The following CYTH3 variants were observed in gnomAD, a reference collection of about 807,000 sequenced individuals.
CYTH3 encodes cytohesin 3.
Under a neutral mutation model 55.1 loss-of-function variants are expected in CYTH3, and 23 were observed. The ratio of observed to expected loss-of-function variants is 0.42; its 90% confidence interval spans 0.30 to 0.59. The LOEUF (loss-of-function observed/expected upper bound fraction) is 0.59. Among genes scored for constraint, CYTH3 ranks in the 20% least tolerant of loss-of-function variants. The pLI, the probability that CYTH3 is intolerant of heterozygous loss-of-function variation, is 0.20. For missense variants in CYTH3, 413 were observed against 524.8 expected (o/e 0.79, Z 2.08); for synonymous variants, 249 against 194.9 (o/e 1.28, Z -2.31).
chr7:6,182,684 A>G (rs1183427519), intron 4 of CYTH3, among the ~76,000 whole-genome samples: 1 of 151,862 alleles, frequency 6.6e-6, no homozygotes, highest in Non-Finnish European at 1.5e-5. Flanking sequence ...TTTTTTTAAA[A>G]AAACTGTTTA....
chr7:6,194,731 C>T (rs1783880289), intron 1 of CYTH3, among the ~76,000 whole-genome samples: 1 of 152,188 alleles, frequency 6.6e-6, no homozygotes, highest in Admixed American at 6.5e-5. Flanking sequence ...AATCCCAGCA[C>T]TTTGGGAGGC....
chr7:6,177,327 C>T (rs1057254941), intron 5 of CYTH3, among the ~76,000 whole-genome samples: 5 of 152,248 alleles, frequency 3.3e-5, no homozygotes, highest in African/African-American at 1.2e-4. Context: ...TTGCCATACT[C>T]AGGGCATGTG....
chr7:6,236,027 T>C (rs1779512991), intron 1 of CYTH3, among the ~76,000 whole-genome samples: 1 of 152,200 alleles, frequency 6.6e-6, no homozygotes, highest in Non-Finnish European at 1.5e-5. Context: ...AAGTCACACA[T>C]GCATATCCCC....
chr7:6,177,344 C>T lies in CYTH3; in HGVS notation c.368+479G>A, dbSNP rs185235416. ...GCCATACTCAGGGCATGTGCTGCCT[C>T]AGCAGTCCTGCCCTAACCTCTGCTA... On this transcript the variant is annotated intron_variant, in intron 5 of 12. Transcript: ENST00000350796. Among the ~76,000 whole-genome samples the T allele has an allele frequency of 4.3e-4, 66 of 152,380 alleles. 1 individual carries two copies. The highest frequency in any genetic ancestry group is 1.2e-3 in the Admixed American group (19 of 15,304).
intron 1 of CYTH3, among the ~76,000 whole-genome samples, chr7:6,246,080 ATTTT>A (rs796237115): frequency 4.8e-4 from 71 of 148,776 alleles, no homozygotes; most frequent in African/African-American, 1.7e-3. Flanking sequence ...ATAATTTTTA[ATTTT>A]TTTTTTTAAC....
chr7:6,206,563 A>G (rs1173375210), intron 1 of CYTH3, among the ~76,000 whole-genome samples: 1 of 152,244 alleles, frequency 6.6e-6, no homozygotes, highest in African/African-American at 2.4e-5. Context: ...ACATGACTAC[A>G]TGGAAAATAG....
intron 1 of CYTH3, among the ~76,000 whole-genome samples, chr7:6,259,799 ATATATATATATATAAT>A (rs1562417843): frequency 0.011 from 270 of 24,946 alleles, 3 homozygotes; most frequent in Non-Finnish European, 0.012. Flanking sequence ...ATATATATAT[ATATATATATATATAAT>A]ATATATATAT....
intron 1 of CYTH3, among the ~76,000 whole-genome samples, chr7:6,193,907 C>T (rs1021939467): frequency 1.3e-5 from 2 of 152,072 alleles, no homozygotes; most frequent in Non-Finnish European, 2.9e-5. Context: ...CTGCAGGCCA[C>T]GGGCCATTTA....
chr7:6,259,767 ATATATT>A lies in CYTH3; in HGVS notation c.34+12701_34+12706del, dbSNP rs1390438393. ...TAATATATATATATATTATATATATATATATTATATATATATAATATATATATATAT... is the reference window on the plus strand; with the variant it reads ...TAATATATATATATATTATATATATAATATATATATAATATATATATATAT... On this transcript the variant is annotated intron_variant, in intron 1 of 12. Coordinates refer to ENST00000350796, the MANE Select transcript of CYTH3 (RefSeq NM_004227.4). Among the ~76,000 whole-genome samples the A allele has an allele frequency of 2.0e-4, 5 of 24,418 alleles. 1 individual carries two copies. Among genetic ancestry groups the A allele is most frequent in the African/African-American group, 1.5e-3 (4 of 2,664 alleles). The allele number at this position is 24,418 out of a possible 152,430, so 16.0% of individuals were successfully genotyped here. A position where few individuals can be genotyped will look rare whatever the true frequency, so the allele number is the denominator to read the frequency against.
rs770509689 is a variant in CYTH3, at chr7:6,167,501, C to G, written c.824-1691G>C. On this transcript the variant is annotated intron_variant, in intron 9 of 12. Transcript: ENST00000350796. The surrounding 1 kb of genome is among the most constrained non-coding windows in gnomAD (Gnocchi z 5.5). Reference sequence around the variant, plus strand: ...CCTCCAGAGACTCCAGAGCAGGCCCCGCTCCAGCTGCACTGGTGCCAGCTG... The same window carrying G: ...CCTCCAGAGACTCCAGAGCAGGCCCGGCTCCAGCTGCACTGGTGCCAGCTG... Among the ~76,000 whole-genome samples, 1 of 152,246 alleles carries G rather than the reference C, an allele frequency of 6.6e-6. No homozygotes were observed. The highest frequency in any genetic ancestry group is 1.5e-5 in the Non-Finnish European group (1 of 68,040).
chr7:6,238,694 G>A (rs1779591211), intron 1 of CYTH3, among the ~76,000 whole-genome samples: 5 of 152,168 alleles, frequency 3.3e-5, no homozygotes, highest in Admixed American at 3.3e-4. Flanking sequence ...AAAACTCCAA[G>A]TGACAATGAC....
Position 6,171,403 on chromosome 7 carries a change from G to C in CYTH3, c.450-89C>G. 8.1e-7 allele frequency: 1 copy of C among 1,240,194 alleles called. No homozygotes were observed. Among genetic ancestry groups the C allele is most frequent in the South Asian group, 1.3e-5 (1 of 78,302 alleles). 76.8% of individuals were successfully genotyped at this position (1,240,194 alleles called of 1,614,324 possible). The stretch of plus-strand genomic sequence containing the variant: ...GGCTTCTGCCCAGCTCAGGAAGGAC[G>C]TTTTCCTCCCGAGCCTGGGGTACAG... On this transcript the variant is annotated intron_variant, in intron 6 of 12. Coordinates refer to ENST00000350796, the MANE Select transcript of CYTH3 (RefSeq NM_004227.4). The surrounding 1 kb of genome is among the most constrained non-coding windows in gnomAD (Gnocchi z 6.7).
chr7:6,215,031 T>C (rs1365561111), intron 1 of CYTH3, among the ~76,000 whole-genome samples: 1 of 152,142 alleles, frequency 6.6e-6, no homozygotes, highest in African/African-American at 2.4e-5. Context: ...ACAGAGTTAT[T>C]TGTGTGTGAA....
chr7:6,200,870 C>T (rs965760996), intron 1 of CYTH3, among the ~76,000 whole-genome samples: 3 of 152,250 alleles, frequency 2.0e-5, no homozygotes, highest in Non-Finnish European at 4.4e-5. Flanking sequence ...ATCCTCCCGC[C>T]TCAGCCTCCT....
intron 1 of CYTH3, among the ~76,000 whole-genome samples, chr7:6,251,263 G>A (rs1429178397): frequency 1.3e-5 from 2 of 151,168 alleles, no homozygotes; most frequent in East Asian, 1.9e-4. Context: ...CAACAAGAGC[G>A]AAACACCGTC....
intron 4 of CYTH3, among the ~76,000 whole-genome samples, chr7:6,186,815 CCCA>C (rs1783664398): frequency 6.6e-6 from 1 of 152,206 alleles, no homozygotes; most frequent in Non-Finnish European, 1.5e-5. Flanking sequence ...TGCTTCCTCA[CCCA>C]GCAGCTCACT....
intron 1 of CYTH3, among the ~76,000 whole-genome samples, chr7:6,201,695 C>A (rs968379248): frequency 6.6e-6 from 1 of 152,064 alleles, no homozygotes; most frequent in African/African-American, 2.4e-5. Context: ...AAATGCTCAA[C>A]AACAACAGCA....
chr7:6,193,179 A>G (rs1343198396), intron 1 of CYTH3, among the ~76,000 whole-genome samples: 1 of 152,112 alleles, frequency 6.6e-6, no homozygotes, highest in Non-Finnish European at 1.5e-5. Context: ...CTCAAAAGAA[A>G]AAAGGAAATT....
chr7:6,213,451 G>C (rs558268367), intron 1 of CYTH3, among the ~76,000 whole-genome samples: 2 of 152,054 alleles, frequency 1.3e-5, no homozygotes, highest in African/African-American at 4.8e-5. Flanking sequence ...CTTTAATAAC[G>C]TTGGTGCCTA....
Sources: gnomAD v4.1 joint callset for allele counts (sites outside exome capture counted in the v4.1 genomes callset) on GRCh38, gnomAD v4.1.1 for gene constraint, Gnocchi (gnomAD v3.1) non-coding constraint, MANE v1.5 for transcripts, NCBI Gene and HGNC (gene_info 2026-07-23, HGNC 2026-07-21) for gene names.